The following SCGB2B2 variants were observed in gnomAD, a reference collection of about 807,000 sequenced individuals.
SCGB2B2 encodes the protein secretoglobin-like protein.
Under a neutral mutation model 7.6 loss-of-function variants are expected in SCGB2B2, and 11 were observed. The ratio of observed to expected loss-of-function variants is 1.45; its 90% CI spans 0.91 to 2.40. The LOEUF (loss-of-function observed/expected upper bound fraction) is 2.40. Among genes scored for constraint, SCGB2B2 ranks in the 30% most tolerant of loss-of-function variants. The probability of loss-of-function intolerance (pLI) is 0.00; values close to 1 mark genes in which losing one functional copy is unlikely to be tolerated. For synonymous variants in SCGB2B2, 50 were observed against 48.6 expected, an observed-to-expected ratio of 1.03 and a Z score of -0.12; for missense variants, 104 against 115.4, an observed-to-expected ratio of 0.90 and a Z score of 0.45.
intron 1 of SCGB2B2, among the ~76,000 whole-genome samples, chr19:34,656,014 C>CA (rs2067271853): frequency 6.6e-6 from 1 of 151,198 alleles, no homozygotes; most frequent in African/African-American, 2.5e-5. Flanking sequence ...AAATATACAT[C>CA]ACCTCTACAT....
intron 1 of SCGB2B2, among the ~76,000 whole-genome samples, chr19:34,643,108 T>C (rs2066892248): frequency 6.6e-6 from 1 of 152,190 alleles, no homozygotes; most frequent in African/African-American, 2.4e-5. Context: ...TTCCTGCACT[T>C]GTATGTTTAT....
intron 1 of SCGB2B2, chr19:34,635,260 T>C: frequency 3.5e-6 from 1 of 285,316 alleles, no homozygotes. Flanking sequence ...TTTGCTGCAC[T>C]CCAGTGTGGA....
At chr19:34,629,075 C>A (rs540304707) in intron 1 of SCGB2B2, among the ~76,000 whole-genome samples, 4 of 151,982 alleles carry the variant, frequency 2.6e-5, no homozygotes, top group Non-Finnish European at 5.9e-5. Context: ...AACAGCTCTT[C>A]ATGCTAAAAA....
chr19:34,610,445 T>C (rs8109213), intron 1 of SCGB2B2, among the ~76,000 whole-genome samples: 47,989 of 152,044 alleles, frequency 0.32, 8,411 homozygotes, highest in Middle Eastern at 0.47. Context: ...GGCGATGGGT[T>C]TGCCATATAT....
intron 1 of SCGB2B2, among the ~76,000 whole-genome samples, chr19:34,641,582 G>A (rs971604722): frequency 6.6e-6 from 1 of 152,168 alleles, no homozygotes; most frequent in Non-Finnish European, 1.5e-5. Context: ...GAAGGTCAAG[G>A]TCGTTTGCCA....
intron 1 of SCGB2B2, among the ~76,000 whole-genome samples, chr19:34,651,668 T>C (rs2067164051): frequency 6.6e-6 from 1 of 151,308 alleles, no homozygotes; most frequent in African/African-American, 2.5e-5. Context: ...ATGTTCATAA[T>C]TAGAAGGATC....
At position 34,594,948 on chromosome 19, in the gene SCGB2B2, C is replaced by A; in HGVS notation, c.-385G>T. On this transcript the variant is annotated 5_prime_UTR_variant, in exon 2 of 4. Coordinates refer to ENST00000601241, the MANE Select transcript of SCGB2B2 (RefSeq NM_001025591.4). ...AAACGTGTGTCTGCACTTGGCACGCCCTAGCACAGAATCTGCCACTGAGTG... is the reference window on the plus strand; with the variant it reads ...AAACGTGTGTCTGCACTTGGCACGCACTAGCACAGAATCTGCCACTGAGTG... The A allele has an allele frequency of 7.7e-6, 2 of 258,660 alleles. No homozygotes were observed. The highest frequency in any genetic ancestry group is 1.2e-4 in the South Asian group (2 of 16,420). The allele number at this position is 258,660 out of a possible 1,614,324, so 16.0% of individuals were successfully genotyped here. A position where few individuals can be genotyped will look rare whatever the true frequency, so the allele number is the denominator to read the frequency against.
At chr19:34,589,678 T>C (rs1427212334), downstream of SCGB2B2, among the ~76,000 whole-genome samples, 1 of 151,916 alleles carries the variant, frequency 6.6e-6, no homozygotes, top group Non-Finnish European at 1.5e-5. Flanking sequence ...TGGTGACCCT[T>C]TGTGCTGCAG....
chr19:34,632,671 C>T (rs2066567149), intron 1 of SCGB2B2: 1 of 152,218 alleles, frequency 6.6e-6, no homozygotes, highest in South Asian at 2.1e-4. Flanking sequence ...AGTATAACCA[C>T]TTTGGAACAC....
intron 1 of SCGB2B2, chr19:34,635,304 A>G: frequency 3.4e-6 from 1 of 292,138 alleles, no homozygotes; most frequent in South Asian, 4.4e-5. Flanking sequence ...GTGCTGAATG[A>G]GTGTGTGTTT....
At chr19:34,656,850 A>G (rs2067296071) in intron 1 of SCGB2B2, among the ~76,000 whole-genome samples, 1 of 151,300 alleles carries the variant, frequency 6.6e-6, no homozygotes, top group Non-Finnish European at 1.5e-5. Flanking sequence ...CAAGAGCAAA[A>G]GAAAGAAACA....
At chr19:34,656,924 A>G (rs974342884) in intron 1 of SCGB2B2, among the ~76,000 whole-genome samples, 3 of 151,300 alleles carry the variant, frequency 2.0e-5, no homozygotes, top group African/African-American at 7.4e-5. Flanking sequence ...CACCATTGCT[A>G]TCTAACATTG....
intron 1 of SCGB2B2, among the ~76,000 whole-genome samples, chr19:34,622,172 T>C (rs1428605564): frequency 6.6e-6 from 1 of 152,220 alleles, no homozygotes; most frequent in Non-Finnish European, 1.5e-5. Context: ...CTCAAGCTCC[T>C]TGCTTAGGTA....
chr19:34,594,144 A>AGT, intron 3 of SCGB2B2, 31 bp downstream of exon 3: 1 of 1,569,310 alleles, frequency 6.4e-7, no homozygotes, highest in Non-Finnish European at 8.8e-7. Context: ...GTGGCCATGT[A>AGT]GTGTGTGCAG....
chr19:34,662,525 ACAC>A (rs2067488460), intron 1 of SCGB2B2, among the ~76,000 whole-genome samples: 1 of 152,068 alleles, frequency 6.6e-6, no homozygotes, highest in Non-Finnish European at 1.5e-5. Context: ...ACACACACAC[ACAC>A]AACATGAAGC....
intron 1 of SCGB2B2, among the ~76,000 whole-genome samples, chr19:34,641,101 T>C (rs1055352685): frequency 7.2e-5 from 11 of 152,080 alleles, no homozygotes; most frequent in East Asian, 5.8e-4. Flanking sequence ...TTATGACCAA[T>C]TGGACTCAAA....
At position 34,671,790 on chromosome 19, in the gene SCGB2B2, T is replaced by A. The variant is rs543971432; in HGVS notation, c.-2032+3840A>T. Among the ~76,000 whole-genome samples the A allele has an allele frequency of 1.4e-3, 215 of 152,306 alleles. 1 individual carries two copies. The highest frequency in any genetic ancestry group is 4.2e-3 in the African/African-American group (174 of 41,566). ...ATTGTATACAGAAGTATAATTTTTT[T>A]AAAAAATTATTATTTACCCTGTAAA... is the stretch of plus-strand genomic sequence containing the variant. On this transcript the variant is annotated intron_variant, in intron 1 of 3. Coordinates refer to ENST00000601241, the MANE Select transcript of SCGB2B2 (RefSeq NM_001025591.4).
chr19:34,598,898 C>T (rs1005198713), intron 1 of SCGB2B2, among the ~76,000 whole-genome samples: 6 of 152,236 alleles, frequency 3.9e-5, no homozygotes, highest in Admixed American at 6.5e-5. Flanking sequence ...CTCTTGCCCA[C>T]GTGGCCACAT....
In SCGB2B2 at chr19:34,634,555, G is replaced by GT. The variant is rs397781218; in HGVS notation, c.-2031-37962_-2031-37961insA. 3.4e-3 allele frequency among the ~76,000 whole-genome samples: 19 copies of GT among 5,520 alleles called. No individual in the cohort carries two copies. In the South Asian group the frequency reaches 0.044, roughly 13 times the overall value. The allele number at this position is 5,520 out of a possible 152,430, so 3.6% of individuals were successfully genotyped here. On this transcript the variant is annotated intron_variant, in intron 1 of 3. Transcript: ENST00000601241. ...GGCTGATTGATAGCTACTACACAAA[G>GT]CTACTTTCAGAGCTTCTGTCCGGTG...
Sources: allele counts gnomAD v4.1 joint callset (sites outside exome capture counted in the v4.1 genomes callset), GRCh38; gene constraint gnomAD v4.1.1; transcripts MANE v1.5; gene names NCBI Gene and HGNC (gene_info 2026-07-23, HGNC 2026-07-21).